Variants in C1orf185 observed in about 807,000 individuals in gnomAD.
C1orf185 encodes the protein chromosome 1 open reading frame 185.
A neutral mutation model predicts 16.1 loss-of-function variants in C1orf185; 13 were observed. That is an observed-to-expected ratio of 0.81 (90% confidence interval 0.53 to 1.28). The LOEUF (loss-of-function observed/expected upper bound fraction) is 1.28, where lower values mean the gene tolerates loss of function less well. Among genes scored for constraint, C1orf185 ranks in the 50% most tolerant of loss-of-function variants. The probability of loss-of-function intolerance (pLI) is 0.00; values close to 1 mark genes in which losing one functional copy is unlikely to be tolerated. For synonymous variants in C1orf185, 80 were observed against 76.9 expected, an observed-to-expected ratio of 1.04 and a Z score of -0.21; for missense variants, 220 against 225.2, an observed-to-expected ratio of 0.98 and a Z score of 0.15.
At chr1:51,120,492 G>A (rs926815063) in intron 3 of C1orf185, among the ~76,000 whole-genome samples, 5 of 152,184 alleles carry the variant, frequency 3.3e-5, no homozygotes, top group African/African-American at 1.2e-4. Flanking sequence ...ATCCTGTAGT[G>A]AGCACCGTAC....
At chr1:51,137,855 G>T (rs1378039014) in intron 3 of C1orf185, among the ~76,000 whole-genome samples, 1 of 152,166 alleles carries the variant, frequency 6.6e-6, no homozygotes, top group Admixed American at 6.5e-5. Flanking sequence ...TATACATTAT[G>T]GAATACTATG....
intron 1 of C1orf185, among the ~76,000 whole-genome samples, chr1:51,105,028 G>A (rs1646059074): frequency 6.6e-6 from 1 of 151,682 alleles, no homozygotes; most frequent in Admixed American, 6.6e-5. Flanking sequence ...TGCAATCTCG[G>A]CTCACTGCAA....
rs1381495567 is a variant in C1orf185, at chr1:51,118,714, G to A, written c.171G>A (p.Arg57=). 5 of 1,483,190 alleles carry A rather than the reference G, an allele frequency of 3.4e-6. No individual in the cohort carries two copies. Among genetic ancestry groups the A allele is most frequent in the African/African-American group, 2.8e-5 (2 of 71,234 alleles). 91.9% of individuals were successfully genotyped at this position (1,483,190 alleles called of 1,614,324 possible). A position where few individuals can be genotyped will look rare whatever the true frequency, so the allele number is the denominator to read the frequency against. The change falls in exon 3 of 5, where the codon AGG becomes AGA. Residue 57 remains arginine (R), a synonymous_variant. Transcript: ENST00000371759. ...TTAAAGCAATTGATGAGAGATGCAG[G>A]CAAAGACCATCAATGGCGAAGATTA... ...SKFKAIDERC[R]QRPSMAKIKS... is the part of the protein sequence containing the mutation.
intron 1 of C1orf185, among the ~76,000 whole-genome samples, chr1:51,109,171 A>G (rs1646095528): frequency 6.6e-6 from 1 of 152,128 alleles, no homozygotes; most frequent in African/African-American, 2.4e-5. Flanking sequence ...CCCTGATGAT[A>G]GTGATGCTGA....
At chr1:51,122,301 A>T (rs1646203352) in intron 3 of C1orf185, among the ~76,000 whole-genome samples, 1 of 152,198 alleles carries the variant, frequency 6.6e-6, no homozygotes, top group South Asian at 2.1e-4. Flanking sequence ...TTTCCAAAGT[A>T]GCTGTGTCAA....
At chr1:51,142,268 C>T (rs970256361) in intron 3 of C1orf185, among the ~76,000 whole-genome samples, 4 of 152,210 alleles carry the variant, frequency 2.6e-5, no homozygotes, top group Admixed American at 1.3e-4. Context: ...CATGTCTCTT[C>T]AGTCTTCCTT....
chr1:51,131,017 C>T (rs1381403070), intron 3 of C1orf185, among the ~76,000 whole-genome samples: 1 of 152,236 alleles, frequency 6.6e-6, no homozygotes, highest in East Asian at 1.9e-4. Flanking sequence ...ATTCTCCTGC[C>T]TCAGCCTCCC....
At chr1:51,111,908 C>T (rs1381307640) in intron 1 of C1orf185, among the ~76,000 whole-genome samples, 2 of 152,162 alleles carry the variant, frequency 1.3e-5, no homozygotes, top group Non-Finnish European at 2.9e-5. Flanking sequence ...AAGATCCTTC[C>T]GCCTCAGTCT....
At chr1:51,127,632 A>C (rs1271210503) in intron 3 of C1orf185, among the ~76,000 whole-genome samples, 1 of 152,026 alleles carries the variant, frequency 6.6e-6, no homozygotes, top group East Asian at 1.9e-4. Flanking sequence ...TTCCTAAATT[A>C]TATATAAATT....
chr1:51,145,278 C>A (rs912328379), intron 3 of C1orf185, among the ~76,000 whole-genome samples: 1 of 151,644 alleles, frequency 6.6e-6, no homozygotes, highest in Non-Finnish European at 1.5e-5. Context: ...GCACTCCAGA[C>A]TGGGTGACAG....
rs374722411 is a variant in C1orf185 at position 51,141,088 on chromosome 1, T to TGGA, written c.259-4635_259-4634insGAG. 3.6e-3 allele frequency among the ~76,000 whole-genome samples: 545 copies of TGGA among 152,262 alleles called. 1 individual carries two copies. Among genetic ancestry groups the TGGA allele is most frequent in the Non-Finnish European group, 4.4e-3 (300 of 68,028 alleles). On this transcript the variant is annotated intron_variant, in intron 3 of 4. Transcript: ENST00000371759. ...ATTATTGTATCTCAGTAAGGAGAAG[T>TGGA]GAAGAGAACAAAAATATTTCAAGGA...
intron 3 of C1orf185, among the ~76,000 whole-genome samples, chr1:51,138,047 A>G (rs942048391): frequency 3.9e-5 from 6 of 152,146 alleles, no homozygotes; most frequent in Non-Finnish European, 7.4e-5. Flanking sequence ...ACTGGGGCCT[A>G]TAAGAAGGTG....
chr1:51,133,863 G>A (rs1159440298), intron 3 of C1orf185, among the ~76,000 whole-genome samples: 1 of 152,182 alleles, frequency 6.6e-6, no homozygotes, highest in Non-Finnish European at 1.5e-5. Context: ...ACTTTGGGAG[G>A]CCAAAGCAGA....
At chr1:51,135,287 C>G (rs1646315323) in intron 3 of C1orf185, among the ~76,000 whole-genome samples, 2 of 152,192 alleles carry the variant, frequency 1.3e-5, no homozygotes, top group Non-Finnish European at 2.9e-5. Flanking sequence ...TGCCTGTAAT[C>G]TCAACACTTT....
intron 3 of C1orf185, among the ~76,000 whole-genome samples, chr1:51,132,341 C>T (rs1171383910): frequency 2.6e-5 from 4 of 152,120 alleles, no homozygotes; most frequent in African/African-American, 9.7e-5. Flanking sequence ...AGCTAAAAAT[C>T]ATGATAAAAC....
rs145321001 is a variant in C1orf185 at position 51,133,893 on chromosome 1, C to T, written c.259-11831C>T. On this transcript the variant is annotated intron_variant, in intron 3 of 4. Coordinates refer to ENST00000371759, the MANE Select transcript of C1orf185 (RefSeq NM_001136508.2). ...AGCAGACAGTTTGAGACCAGCCTGGCCAACAGGGTGAAACCCTGTCTCTAT... is the reference window on the plus strand; with the variant it reads ...AGCAGACAGTTTGAGACCAGCCTGGTCAACAGGGTGAAACCCTGTCTCTAT... 6.7e-3 allele frequency among the ~76,000 whole-genome samples: 1,027 copies of T among 152,292 alleles called. 8 individuals are homozygous for T. Among genetic ancestry groups the T allele is most frequent in the Non-Finnish European group, 0.011 (753 of 68,016 alleles).
At chr1:51,139,739 TATC>T (rs936509375) in intron 3 of C1orf185, among the ~76,000 whole-genome samples, 1 of 152,188 alleles carries the variant, frequency 6.6e-6, no homozygotes, top group African/African-American at 2.4e-5. Context: ...TACGAACCAT[TATC>T]ATCGTTTTTG....
intron 3 of C1orf185, among the ~76,000 whole-genome samples, chr1:51,123,899 T>C (rs908863842): frequency 6.6e-6 from 1 of 151,980 alleles, no homozygotes; most frequent in African/African-American, 2.4e-5. Context: ...AAAGAACTTA[T>C]ATATAACAAG....
In C1orf185 at chr1:51,107,687, A is replaced by G. The variant is rs956057217; in HGVS notation, c.17-4777A>G. ...TTTCAGTCAACAGACCTATAGAAGC[A>G]ACATCCAGATCAAGAAACAGAACAT... On this transcript the variant is annotated intron_variant, in intron 1 of 4. Transcript: ENST00000371759. Among the ~76,000 whole-genome samples, 75 of 152,340 alleles carry G rather than the reference A, an allele frequency of 4.9e-4. 1 individual carries two copies. Among genetic ancestry groups the G allele is most frequent in the African/African-American group, 1.8e-3 (75 of 41,578 alleles).
Sources: allele counts gnomAD v4.1 joint callset (sites outside exome capture counted in the v4.1 genomes callset), GRCh38; gene constraint gnomAD v4.1.1; transcripts MANE v1.5; gene names NCBI Gene and HGNC (gene_info 2026-07-23, HGNC 2026-07-21).